AGO2: variants seen among roughly 807,000 people sequenced by gnomAD.
AGO2 encodes the protein argonaute RISC catalytic component 2.
A neutral mutation model predicts 102.3 loss-of-function variants in AGO2; 5 were observed. That is an observed-to-expected ratio of 0.05 (90% CI 0.03 to 0.10). The LOEUF is 0.10. Among genes scored for constraint, AGO2 ranks in the 10% least tolerant of loss-of-function variants. The probability of loss-of-function intolerance (pLI) is 1.00; values close to 1 mark genes in which losing one functional copy is unlikely to be tolerated. For missense variants in AGO2, 541 were observed against 1,183.7 expected (o/e 0.46, Z 7.97); for synonymous variants, 449 against 473.1 (o/e 0.95, Z 0.66).
At chr8:140,535,106 C>T (rs943719589) in intron 17 of AGO2, among the ~76,000 whole-genome samples, 1 of 152,248 alleles carries the variant, frequency 6.6e-6, no homozygotes. Context: ...GCCCCTGCAG[C>T]AGCTGCCCAG....
At position 140,540,959 on chromosome 8, in the gene AGO2, C is replaced by T. The variant is rs2072786430; in HGVS notation, c.2034+205G>A. Among the ~76,000 whole-genome samples the T allele has an allele frequency of 6.6e-6, 1 of 151,912 alleles. No individual in the cohort carries two copies. The highest frequency in any genetic ancestry group is 6.6e-5 in the Admixed American group (1 of 15,266). ...CCCGCCCCTCCTCCCCTCCCTCTGT[C>T]CTGCCTCAGTGTCATGTGTTAGGGT... On this transcript the variant is annotated intron_variant, in intron 15 of 18. Coordinates refer to ENST00000220592, the MANE Select transcript of AGO2 (RefSeq NM_012154.5). The surrounding 1 kb of genome is among the most constrained non-coding windows in gnomAD (Gnocchi z 5.0).
In AGO2 at chr8:140,539,751, C is replaced by A. The variant is rs1588438456; in HGVS notation, c.2035-297G>T. Among the ~76,000 whole-genome samples the A allele has an allele frequency of 6.6e-6, 1 of 152,196 alleles. No individual in the cohort carries two copies. Among genetic ancestry groups the A allele is most frequent in the Non-Finnish European group, 1.5e-5 (1 of 68,042 alleles). On this transcript the variant is annotated intron_variant, in intron 15 of 18. Coordinates refer to ENST00000220592, the MANE Select transcript of AGO2 (RefSeq NM_012154.5). The surrounding 1 kb of genome is among the most constrained non-coding windows in gnomAD (Gnocchi z 4.7). ...CGCCAGGGATGCAGGCTGGGCTCTG[C>A]GCTGAGAAGGCACATGCAGAGGCCA...
chr8:140,545,579 T>C (rs1588443664), intron 13 of AGO2, among the ~76,000 whole-genome samples: 1 of 152,298 alleles, frequency 6.6e-6, no homozygotes, highest in East Asian at 1.9e-4. Flanking sequence ...TGCACTCAAA[T>C]GACCTGCAGA....
At chr8:140,532,923 G>A (rs1049985850) in intron 17 of AGO2, among the ~76,000 whole-genome samples, 6 of 151,530 alleles carry the variant, frequency 4.0e-5, no homozygotes, top group East Asian at 3.9e-4. Context: ...ACTTGAACCC[G>A]TGAGGTAGAG....
chr8:140,549,672 T>C (rs1298653770), intron 11 of AGO2, among the ~76,000 whole-genome samples: 1 of 152,266 alleles, frequency 6.6e-6, no homozygotes, highest in Admixed American at 6.5e-5. Context: ...CCTGGAGCTC[T>C]TGTGAAGCTC....
chr8:140,532,218 G>T, intron 18 of AGO2, 66 bp from the exon 19 acceptor site: 1 of 1,497,208 alleles, frequency 6.7e-7, no homozygotes, highest in South Asian at 1.1e-5. Flanking sequence ...GCAGTGCGTC[G>T]ATCACTAAGT....
At chr8:140,558,074 C>T (rs1240309200) in intron 7 of AGO2, among the ~76,000 whole-genome samples, 3 of 152,190 alleles carry the variant, frequency 2.0e-5, no homozygotes, top group Non-Finnish European at 4.4e-5. Flanking sequence ...GCACTCTCAC[C>T]CCCCACTCCG....
At chr8:140,600,763 T>C (rs1328359375) in intron 1 of AGO2, among the ~76,000 whole-genome samples, 1 of 151,906 alleles carries the variant, frequency 6.6e-6, no homozygotes, top group African/African-American at 2.4e-5. Flanking sequence ...GGCCTCCATG[T>C]CTGCTGGCGC....
At chr8:140,546,742 T>C (rs565652797) in intron 13 of AGO2, among the ~76,000 whole-genome samples, 1 of 152,368 alleles carries the variant, frequency 6.6e-6, no homozygotes, top group East Asian at 1.9e-4. Flanking sequence ...TTCTCCGTTG[T>C]TGTCGTCCAA....
At chr8:140,568,463 C>T (rs890464175) in intron 3 of AGO2, among the ~76,000 whole-genome samples, 75 of 152,240 alleles carry the variant, frequency 4.9e-4, no homozygotes, top group African/African-American at 1.2e-3. Flanking sequence ...GCACTGCAGG[C>T]GTGGCATGTC....
intron 1 of AGO2, among the ~76,000 whole-genome samples, chr8:140,625,992 G>A (rs1033685677): frequency 2.0e-5 from 3 of 152,212 alleles, no homozygotes; most frequent in Admixed American, 6.5e-5. Context: ...CACGCACAGG[G>A]ACCAAGGTGC....
chr8:140,591,563 G>A (rs1303912408), intron 1 of AGO2: 4 of 152,206 alleles, frequency 2.6e-5, no homozygotes, highest in African/African-American at 9.7e-5. Flanking sequence ...GTACAGTCTA[G>A]GACTGACTAT....
intron 1 of AGO2, among the ~76,000 whole-genome samples, chr8:140,609,088 C>G (rs2074041737): frequency 6.6e-6 from 1 of 152,254 alleles, no homozygotes; most frequent in Non-Finnish European, 1.5e-5. Flanking sequence ...AGCGGGGGAG[C>G]AGGATGCCGC....
chr8:140,632,892 G>T (rs2074358848), intron 1 of AGO2, among the ~76,000 whole-genome samples: 1 of 151,000 alleles, frequency 6.6e-6, no homozygotes, highest in Admixed American at 6.6e-5. Context: ...AAAACTATTT[G>T]TAATTTTTCT....
At chr8:140,623,853 CG>C (rs2074244169) in intron 1 of AGO2, among the ~76,000 whole-genome samples, 1 of 152,022 alleles carries the variant, frequency 6.6e-6, no homozygotes, top group South Asian at 2.1e-4. Flanking sequence ...AAAGGGTAAG[CG>C]AGTTTCAACA....
chr8:140,594,553 C>T (rs567878653), intron 1 of AGO2, among the ~76,000 whole-genome samples: 4 of 151,730 alleles, frequency 2.6e-5, no homozygotes, highest in African/African-American at 7.3e-5. Flanking sequence ...TTTGGGAGGC[C>T]GGGGCAGGTG....
Position 140,553,988 on chromosome 8 carries a change from C to T in AGO2, c.1269+1908G>A, listed in dbSNP as rs369642937. On this transcript the variant is annotated intron_variant, in intron 10 of 18. Coordinates refer to ENST00000220592, the MANE Select transcript of AGO2 (RefSeq NM_012154.5). ...AAGTGCTGGGATTACAGGCATGAGC[C>T]GCAGCACCCAGCCTACAAGCTCTCT... Among the ~76,000 whole-genome samples the T allele has an allele frequency of 2.8e-4, 42 of 152,368 alleles. No homozygotes were observed. In the East Asian group the frequency reaches 6.6e-3, roughly 24 times the overall value.
At chr8:140,537,911 C>T (rs569751999) in intron 16 of AGO2, among the ~76,000 whole-genome samples, 1 of 152,180 alleles carries the variant, frequency 6.6e-6, no homozygotes, top group East Asian at 1.9e-4. Context: ...CTCTGCCTCC[C>T]AGGTTTAAGC....
At chr8:140,580,417 A>G (rs1411873779) in intron 2 of AGO2, among the ~76,000 whole-genome samples, 1 of 152,234 alleles carries the variant, frequency 6.6e-6, no homozygotes, top group Non-Finnish European at 1.5e-5. Context: ...CTCACGACTA[A>G]GACGCCATCC....
Sources: gnomAD v4.1 joint callset for allele counts (sites outside exome capture counted in the v4.1 genomes callset) on GRCh38, gnomAD v4.1.1 for gene constraint, Gnocchi (gnomAD v3.1) non-coding constraint, MANE v1.5 for transcripts, NCBI Gene and HGNC (gene_info 2026-07-23, HGNC 2026-07-21) for gene names.